Variants in ZSWIM5 observed in about 807,000 individuals in gnomAD.
ZSWIM5 encodes zinc finger SWIM domain-containing protein 5.
ZSWIM5 carries 55 observed loss-of-function variants against 119.6 expected under a neutral mutation model. The observed-to-expected ratio is 0.46, with a 90% confidence interval of 0.37 to 0.58. The LOEUF is 0.58. Ranked by LOEUF, ZSWIM5 falls within the 20% of genes least tolerant of loss-of-function variation. ZSWIM5 has a pLI of 0.00. For synonymous variants in ZSWIM5, 537 were observed against 606.9 expected, an observed-to-expected ratio of 0.88 and a Z score of 1.69; for missense variants, 1,193 against 1,512.8, an observed-to-expected ratio of 0.79 and a Z score of 3.51.
At position 45,051,162 on chromosome 1, in the gene ZSWIM5, C is replaced by T; in HGVS notation, c.1344G>A (p.Leu448=). Residue 448 remains leucine, a synonymous_variant, in exon 5 of 14, where the codon CTG becomes CTA. Transcript: ENST00000359600. ...TTCCATCCTCCAGGGGACAGACATC[C>T]AGGTCGCTCCACTTCTGCAGCTGCT... ...WLQQLQKWSD[L]DVCPLEDGNY... 6.2e-7 allele frequency: 1 copy of T among 1,614,172 alleles called. No homozygotes were observed. Among genetic ancestry groups the T allele is most frequent in the Non-Finnish European group, 8.5e-7 (1 of 1,180,030 alleles).
chr1:45,100,981 T>C (rs61788390), intron 1 of ZSWIM5, among the ~76,000 whole-genome samples: 11,027 of 152,228 alleles, frequency 0.072, 492 homozygotes, highest in Non-Finnish European at 0.1. Context: ...ATTCAGGACA[T>C]AGGCATGGAC....
intron 6 of ZSWIM5, 58 bp downstream of exon 6, chr1:45,043,161 T>C: frequency 1.9e-6 from 3 of 1,566,084 alleles, no homozygotes; most frequent in Non-Finnish European, 2.6e-6. Flanking sequence ...GATGGCTCAT[T>C]TGGGCCTGGC....
intron 1 of ZSWIM5, among the ~76,000 whole-genome samples, chr1:45,134,973 T>C (rs1221848743): frequency 2.6e-5 from 4 of 152,232 alleles, no homozygotes; most frequent in African/African-American, 9.6e-5. Context: ...TTCCTCTATC[T>C]ATTCATTCAT....
In ZSWIM5 at chr1:45,205,766, C is replaced by T. The variant is rs774113741; in HGVS notation, c.585G>A (p.Val195=). 1 of 1,567,456 alleles carries T rather than the reference C, an allele frequency of 6.4e-7. No individual in the cohort carries two copies. The highest frequency in any genetic ancestry group is 8.6e-7 in the Non-Finnish European group (1 of 1,161,814). ...RLLDSGSVEN[V]LQVGFHLSGT... Reference sequence around the variant, plus strand: ...TGGACGAGCACATACCGACTTGCAGCACGTTCTCCACGGAGCCGCTGTCCA... The same window carrying T: ...TGGACGAGCACATACCGACTTGCAGTACGTTCTCCACGGAGCCGCTGTCCA... Residue 195 remains valine (V), a synonymous_variant, in exon 1 of 14, where the codon GTG becomes GTA. Transcript: ENST00000359600.
chr1:45,195,752 T>C (rs1225384738), intron 1 of ZSWIM5, among the ~76,000 whole-genome samples: 2 of 151,894 alleles, frequency 1.3e-5, no homozygotes, highest in Admixed American at 6.6e-5. Flanking sequence ...AAACAATAAA[T>C]AGAAAAGAAA....
At chr1:45,165,852 G>A (rs1477348285) in intron 1 of ZSWIM5, among the ~76,000 whole-genome samples, 1 of 152,022 alleles carries the variant, frequency 6.6e-6, no homozygotes, top group Non-Finnish European at 1.5e-5. Context: ...AAAAGTCCAG[G>A]ACCAGATGGA....
chr1:45,041,082 G>A (rs1645015732), intron 6 of ZSWIM5, among the ~76,000 whole-genome samples: 1 of 152,154 alleles, frequency 6.6e-6, no homozygotes, highest in Admixed American at 6.6e-5. Flanking sequence ...TGCTTTGAAG[G>A]ACAAGTAAGA....
chr1:45,109,235 TAA>T (rs1645499575), intron 1 of ZSWIM5, among the ~76,000 whole-genome samples: 1 of 152,180 alleles, frequency 6.6e-6, no homozygotes, highest in African/African-American at 2.4e-5. Flanking sequence ...TCATTCTCAT[TAA>T]GTCTTTATTC....
chr1:45,066,153 G>A (rs1376444128), intron 2 of ZSWIM5, among the ~76,000 whole-genome samples: 1 of 151,290 alleles, frequency 6.6e-6, no homozygotes, highest in Non-Finnish European at 1.5e-5. Context: ...GAGAATGATG[G>A]TTTCCAGTTT....
At position 45,036,182 on chromosome 1, in the gene ZSWIM5, T is replaced by C; in HGVS notation, c.2012A>G (p.Gln671Arg). The change falls in exon 9 of 14, where the codon CAA (glutamine) becomes CGA (arginine). Residue 671 changes from glutamine to arginine, a missense_variant. Gln to Arg is a conservative substitution (Grantham distance 43). Coordinates refer to ENST00000359600, the MANE Select transcript of ZSWIM5 (RefSeq NM_020883.2). ...ALEVALMGLGQQRLMPEGLYA... is the reference protein window; with the variant it reads ...ALEVALMGLGRQRLMPEGLYA... ...GAGGCCTTCAGGCATTAACCTCTGTTGACCCAGGCCCATCAGTGCAACTTC... is the reference window on the plus strand; with the variant it reads ...GAGGCCTTCAGGCATTAACCTCTGTCGACCCAGGCCCATCAGTGCAACTTC... The C allele has an allele frequency of 6.2e-7, 1 of 1,614,134 alleles. No individual in the cohort carries two copies. The highest frequency in any genetic ancestry group is 8.5e-7 in the Non-Finnish European group (1 of 1,180,026).
chr1:45,118,737 C>CAAAAAAAAAA (rs60441320), intron 1 of ZSWIM5, among the ~76,000 whole-genome samples: 5 of 95,214 alleles, frequency 5.3e-5, no homozygotes, highest in Non-Finnish European at 6.9e-5. Context: ...GAACCTGTCT[C>CAAAAAAAAAA]AAAAAAAAAA....
chr1:45,060,432 A>T (rs1485999542), intron 2 of ZSWIM5, among the ~76,000 whole-genome samples, 185 bp from the exon 3 acceptor site: 3 of 152,224 alleles, frequency 2.0e-5, no homozygotes, highest in African/African-American at 7.2e-5. Flanking sequence ...AAAAGCCTAA[A>T]TTAAAAGATC....
chr1:45,043,152 A>T, intron 6 of ZSWIM5, 67 bp downstream of exon 6: 4 of 1,516,134 alleles, frequency 2.6e-6, no homozygotes, highest in Non-Finnish European at 2.7e-6. Context: ...ACGTATGAAG[A>T]TGGCTCATTT....
intron 1 of ZSWIM5, among the ~76,000 whole-genome samples, chr1:45,092,538 A>AACCC (rs1645373167): frequency 1.7e-5 from 1 of 57,404 alleles, no homozygotes; most frequent in African/African-American, 7.4e-5. Context: ...CTCGTGATCC[A>AACCC]CCCCCCCCCC....
intron 2 of ZSWIM5, among the ~76,000 whole-genome samples, chr1:45,073,507 C>T (rs1234447759): frequency 1.3e-5 from 2 of 151,620 alleles, no homozygotes; most frequent in Admixed American, 6.6e-5. Flanking sequence ...GATCTGCCTG[C>T]CTCAGCCTCC....
chr1:45,119,466 C>T (rs1157089310), intron 1 of ZSWIM5, among the ~76,000 whole-genome samples: 1 of 152,194 alleles, frequency 6.6e-6, no homozygotes, highest in African/African-American at 2.4e-5. Context: ...TTCAAAAATT[C>T]CTTCTTTAAA....
chr1:45,183,807 T>A (rs1312040786), intron 1 of ZSWIM5, among the ~76,000 whole-genome samples: 1 of 152,202 alleles, frequency 6.6e-6, no homozygotes, highest in Non-Finnish European at 1.5e-5. Flanking sequence ...CACAGCTGAA[T>A]TCTACCAGAG....
intron 1 of ZSWIM5, among the ~76,000 whole-genome samples, chr1:45,188,673 G>A (rs1028088243): frequency 7.2e-5 from 11 of 152,178 alleles, no homozygotes; most frequent in African/African-American, 2.4e-4. Flanking sequence ...AGTCTTCAGG[G>A]ACACTGCTGG....
At chr1:45,173,889 T>G (rs1490642604) in intron 1 of ZSWIM5, among the ~76,000 whole-genome samples, 1 of 152,116 alleles carries the variant, frequency 6.6e-6, no homozygotes, top group Non-Finnish European at 1.5e-5. Flanking sequence ...CTTAAAAAAC[T>G]TTAGCTTATA....
Sources: allele counts gnomAD v4.1 joint callset (sites outside exome capture counted in the v4.1 genomes callset), GRCh38; gene constraint gnomAD v4.1.1; transcripts MANE v1.5; gene names NCBI Gene and HGNC (gene_info 2026-07-23, HGNC 2026-07-21).